The following ADGRL4 variants were observed in gnomAD, a reference collection of about 807,000 sequenced individuals.
ADGRL4 encodes the protein adhesion G protein-coupled receptor L4.
A neutral mutation model predicts 74.8 loss-of-function variants in ADGRL4; 90 were observed. That is an observed-to-expected ratio of 1.20 (90% CI 1.02 to 1.43). The LOEUF is 1.43. Ranked by LOEUF, ADGRL4 falls within the 40% of genes most tolerant of loss-of-function variation. ADGRL4 has a pLI of 0.00. For missense variants in ADGRL4, 881 were observed against 814.3 expected, an observed-to-expected ratio of 1.08 and a Z score of -1.00; for synonymous variants, 311 against 279.2, an observed-to-expected ratio of 1.11 and a Z score of -1.14.
chr1:78,915,048 T>C (rs953932481), intron 12 of ADGRL4, among the ~76,000 whole-genome samples: 2 of 151,922 alleles, frequency 1.3e-5, no homozygotes, highest in African/African-American at 2.4e-5. Context: ...CAACCCATTC[T>C]CTTCATTGTA....
chr1:79,001,174 GA>G (rs1276926121), intron 2 of ADGRL4, among the ~76,000 whole-genome samples: 14 of 7,438 alleles, frequency 1.9e-3, no homozygotes, highest in African/African-American at 4.6e-3. Context: ...AAGGAAGGGA[GA>G]GGGGGGGGAG....
intron 12 of ADGRL4, among the ~76,000 whole-genome samples, chr1:78,903,055 C>T (rs538399352): frequency 1.6e-4 from 25 of 152,156 alleles, no homozygotes; most frequent in East Asian, 1.2e-3. Context: ...TATTTTCCCA[C>T]GGAAAAATTA....
At chr1:79,002,148 GAA>G (rs1650857990) in intron 2 of ADGRL4, among the ~76,000 whole-genome samples, 2 of 151,982 alleles carry the variant, frequency 1.3e-5, no homozygotes, top group Admixed American at 1.3e-4. Flanking sequence ...ATAAATGCAT[GAA>G]AATTATTCAT....
chr1:78,995,924 A>ACT (rs1650702732), intron 2 of ADGRL4, among the ~76,000 whole-genome samples: 1 of 152,208 alleles, frequency 6.6e-6, no homozygotes, highest in Admixed American at 6.5e-5. Context: ...AGCATAGGAT[A>ACT]CCAGGGGGAT....
chr1:78,953,183 T>G (rs1649765621), intron 2 of ADGRL4, among the ~76,000 whole-genome samples: 1 of 152,158 alleles, frequency 6.6e-6, no homozygotes, highest in Non-Finnish European at 1.5e-5. Context: ...TTCTGACACA[T>G]TTTTTTCAAA....
chr1:78,959,592 G>T (rs899248081), intron 2 of ADGRL4, among the ~76,000 whole-genome samples: 3 of 152,116 alleles, frequency 2.0e-5, no homozygotes, highest in Admixed American at 6.6e-5. Flanking sequence ...AACATTGCAT[G>T]GACTGGTGGA....
chr1:78,975,311 T>C (rs1360671764), intron 2 of ADGRL4, among the ~76,000 whole-genome samples: 1 of 152,100 alleles, frequency 6.6e-6, no homozygotes, highest in African/African-American at 2.4e-5. Context: ...ATACTAATAA[T>C]ATTATAATTA....
intron 2 of ADGRL4, among the ~76,000 whole-genome samples, chr1:78,998,234 C>T (rs1650759344): frequency 6.8e-6 from 1 of 146,868 alleles, no homozygotes; most frequent in African/African-American, 2.5e-5. Flanking sequence ...CTTCTCATGG[C>T]CTCCCTCTGA....
At chr1:78,939,387 CCTCTTCAGTTTTAGAATGTGCAA>C in intron 3 of ADGRL4, 129 bp from the exon 4 acceptor site, 2 of 1,015,346 alleles carry the variant, frequency 2.0e-6, no homozygotes, top group South Asian at 8.1e-5. Context: ...ACTTGAATTT[CCTCTTCAGTTTTAGAATGTGCAA>C]TATTTTACAG....
At chr1:78,931,662 C>T (rs549491327) in intron 7 of ADGRL4, among the ~76,000 whole-genome samples, 22 of 151,142 alleles carry the variant, frequency 1.5e-4, no homozygotes, top group African/African-American at 3.7e-4. Flanking sequence ...TGAGACCCAT[C>T]GGTGTGCTAT....
chr1:78,998,484 C>A (rs1329394652), intron 2 of ADGRL4, among the ~76,000 whole-genome samples: 1 of 150,586 alleles, frequency 6.6e-6, no homozygotes, highest in African/African-American at 2.4e-5. Flanking sequence ...ATTCTCCTGC[C>A]TCAGTCTCCC....
chr1:79,006,717 C>T lies in ADGRL4; in HGVS notation c.-63G>A, dbSNP rs933486036. On this transcript the variant is annotated 5_prime_UTR_variant, in exon 1 of 15. Transcript: ENST00000370742. Reference sequence around the variant, plus strand: ...GGCGGAGTGAGTGCGGCTGTGGACCCGGGACCGGGCGCCGCTGGGCGGGCG... The same window carrying T: ...GGCGGAGTGAGTGCGGCTGTGGACCTGGGACCGGGCGCCGCTGGGCGGGCG... The T allele has an allele frequency of 1.4e-6, 2 of 1,400,492 alleles. No homozygotes were observed. Among genetic ancestry groups the T allele is most frequent in the Middle Eastern group, 2.5e-4 (1 of 3,932 alleles). The allele number at this position is 1,400,492 out of a possible 1,614,324, so 86.8% of individuals were successfully genotyped here.
intron 2 of ADGRL4, among the ~76,000 whole-genome samples, chr1:78,981,953 GTCT>G (rs1482754138): frequency 2.6e-5 from 4 of 151,444 alleles, no homozygotes; most frequent in Non-Finnish European, 5.9e-5. Context: ...TCTACTTTTA[GTCT>G]TCTTTGTAAT....
At chr1:78,972,566 A>G (rs1259087049) in intron 2 of ADGRL4, among the ~76,000 whole-genome samples, 2 of 152,170 alleles carry the variant, frequency 1.3e-5, no homozygotes, top group Non-Finnish European at 2.9e-5. Flanking sequence ...GAACACTGAT[A>G]TGCATTTGTT....
chr1:78,964,387 G>C (rs936779028), intron 2 of ADGRL4, among the ~76,000 whole-genome samples: 10 of 152,078 alleles, frequency 6.6e-5, no homozygotes, highest in Non-Finnish European at 1.2e-4. Context: ...GACACTATTT[G>C]TGATCAAAGT....
intron 7 of ADGRL4, among the ~76,000 whole-genome samples, chr1:78,934,804 A>G (rs1649319408): frequency 6.6e-6 from 1 of 152,228 alleles, no homozygotes; most frequent in Non-Finnish European, 1.5e-5. Context: ...ATGAAAAAAA[A>G]GCTCGACATT....
intron 2 of ADGRL4, among the ~76,000 whole-genome samples, chr1:78,950,983 C>T (rs1649710918): frequency 6.6e-6 from 1 of 152,140 alleles, no homozygotes; most frequent in Non-Finnish European, 1.5e-5. Flanking sequence ...CTATAGTCAA[C>T]CATACAGTCA....
chr1:78,911,614 A>AAC (rs34707725), intron 12 of ADGRL4, among the ~76,000 whole-genome samples: 47 of 150,056 alleles, frequency 3.1e-4, no homozygotes, highest in African/African-American at 1.1e-3. Flanking sequence ...TCAAGATCTA[A>AAC]ACACACACAC....
At chr1:78,930,851 C>T (rs2100681195) in intron 7 of ADGRL4, among the ~76,000 whole-genome samples, 1 of 151,496 alleles carries the variant, frequency 6.6e-6, no homozygotes, top group South Asian at 2.1e-4. Context: ...TTAGTTACAT[C>T]ATCCATATAA....
Sources: gnomAD v4.1 joint callset for allele counts (sites outside exome capture counted in the v4.1 genomes callset) on GRCh38, gnomAD v4.1.1 for gene constraint, MANE v1.5 for transcripts, NCBI Gene and HGNC (gene_info 2026-07-23, HGNC 2026-07-21) for gene names.